The following GPC6 variants were observed in gnomAD, a reference collection of about 807,000 sequenced individuals.
GPC6 encodes glypican 6, also known as glypican-6.
Under a neutral mutation model 55.2 loss-of-function variants are expected in GPC6, and 14 were observed. That is an observed-to-expected ratio of 0.25 (90% confidence interval 0.17 to 0.40). The LOEUF (loss-of-function observed/expected upper bound fraction) is 0.40. GPC6 is among the 10% of genes least tolerant of loss of function. The probability of loss-of-function intolerance (pLI) is 1.00; values close to 1 mark genes in which losing one functional copy is unlikely to be tolerated. For missense variants in GPC6, 641 were observed against 708.5 expected, an observed-to-expected ratio of 0.90 and a Z score of 1.08; for synonymous variants, 278 against 259.6, an observed-to-expected ratio of 1.07 and a Z score of -0.68.
chr13:94,391,120 T>A (rs1271230678), intron 7 of GPC6, among the ~76,000 whole-genome samples: 1 of 152,212 alleles, frequency 6.6e-6, no homozygotes, highest in East Asian at 1.9e-4. Context: ...CAATGAGCTA[T>A]GTGTTCTCCA....
intron 4 of GPC6, among the ~76,000 whole-genome samples, chr13:94,171,244 C>A (rs1036039458): frequency 6.6e-6 from 1 of 152,194 alleles, no homozygotes; most frequent in Non-Finnish European, 1.5e-5. Flanking sequence ...GACTGAATTT[C>A]TCATCCTATA....
chr13:93,258,390 G>A (rs1215093969), intron 1 of GPC6, among the ~76,000 whole-genome samples: 2 of 152,120 alleles, frequency 1.3e-5, no homozygotes, highest in Non-Finnish European at 2.9e-5. Flanking sequence ...CAGGAATAGG[G>A]CTCTCTGTGC....
At chr13:93,543,782 A>G (rs1186006855) in intron 1 of GPC6, among the ~76,000 whole-genome samples, 1 of 152,172 alleles carries the variant, frequency 6.6e-6, no homozygotes, top group Non-Finnish European at 1.5e-5. Flanking sequence ...TCCAGTAAAC[A>G]TGGGATGCAA....
At position 93,400,716 on chromosome 13, in the gene GPC6, T is replaced by A. The variant is rs139367886; in HGVS notation, c.161-144547T>A. ...AAAATATCTCATGTACCTCGTAGTA[T>A]ACCTACTATATACCCAGAAAAATTA... is the stretch of plus-strand genomic sequence containing the variant. On this transcript the variant is annotated intron_variant, in intron 1 of 8. Coordinates refer to ENST00000377047, the MANE Select transcript of GPC6 (RefSeq NM_005708.5). Among the ~76,000 whole-genome samples the A allele has an allele frequency of 1.2e-3, 181 of 152,230 alleles. 3 individuals carry two copies. Among genetic ancestry groups the A allele is most frequent in the African/African-American group, 4.2e-3 (173 of 41,536 alleles).
chr13:93,487,379 C>T (rs757176602), intron 1 of GPC6, among the ~76,000 whole-genome samples: 8 of 152,150 alleles, frequency 5.3e-5, no homozygotes, highest in Non-Finnish European at 8.8e-5. Context: ...CATCCTCTAC[C>T]CTCAGACAGG....
At chr13:93,645,955 C>T (rs1393443291) in intron 2 of GPC6, among the ~76,000 whole-genome samples, 1 of 152,014 alleles carries the variant, frequency 6.6e-6, no homozygotes, top group African/African-American at 2.4e-5. Context: ...TACACAGTTA[C>T]CAAAGAAAAG....
intron 1 of GPC6, among the ~76,000 whole-genome samples, chr13:93,432,427 G>A (rs1877396786): frequency 6.6e-6 from 1 of 152,114 alleles, no homozygotes; most frequent in African/African-American, 2.4e-5. Flanking sequence ...GGCCATGAAG[G>A]GTGCAGATGG....
chr13:93,780,499 A>G (rs889003045), intron 2 of GPC6, among the ~76,000 whole-genome samples: 2 of 152,072 alleles, frequency 1.3e-5, no homozygotes, highest in East Asian at 3.9e-4. Flanking sequence ...CTAAACTGGT[A>G]CACAGCATTC....
intron 1 of GPC6, among the ~76,000 whole-genome samples, chr13:93,397,464 T>C (rs1875902486): frequency 6.6e-6 from 1 of 152,236 alleles, no homozygotes; most frequent in Admixed American, 6.5e-5. Flanking sequence ...TGAAGAAATA[T>C]CTGTTCATGT....
chr13:94,018,683 C>G (rs1882580208), intron 3 of GPC6, among the ~76,000 whole-genome samples: 1 of 152,274 alleles, frequency 6.6e-6, no homozygotes, highest in South Asian at 2.1e-4. Flanking sequence ...TTGTCTATAG[C>G]AGGGGTCCCC....
chr13:93,693,467 G>GTGTGTGTGTC (rs1882335437), intron 2 of GPC6, among the ~76,000 whole-genome samples: 1 of 135,456 alleles, frequency 7.4e-6, no homozygotes. Flanking sequence ...ATATCTGTGT[G>GTGTGTGTGTC]TGTGTGTGTG....
In GPC6 at chr13:93,914,913, G is replaced by A. The variant is rs186534690; in HGVS notation, c.711+84368G>A. Among the ~76,000 whole-genome samples the A allele has an allele frequency of 1.6e-3, 237 of 152,266 alleles. 4 individuals carry two copies. Among genetic ancestry groups the A allele is most frequent in the Non-Finnish European group, 1.6e-4 (11 of 68,022 alleles). On this transcript the variant is annotated intron_variant, in intron 3 of 8. Transcript: ENST00000377047. ...TTCAAGAATTTGAAATTTTCAAGAC[G>A]CTTTTTCACCACAAAGAACCTGGAT... is the stretch of plus-strand genomic sequence containing the variant.
At chr13:93,801,093 A>G (rs570046322) in intron 2 of GPC6, among the ~76,000 whole-genome samples, 1 of 152,190 alleles carries the variant, frequency 6.6e-6, no homozygotes. Context: ...AAAGTCTAAT[A>G]AAAAGCATTG....
chr13:94,251,735 A>C (rs972126422), intron 4 of GPC6, among the ~76,000 whole-genome samples: 3 of 152,078 alleles, frequency 2.0e-5, no homozygotes, highest in Middle Eastern at 6.8e-3. Flanking sequence ...CAAAAACAAA[A>C]CAAACTGTTG....
At chr13:94,130,651 C>G (rs1389810261) in intron 4 of GPC6, among the ~76,000 whole-genome samples, 1 of 152,084 alleles carries the variant, frequency 6.6e-6, no homozygotes, top group Non-Finnish European at 1.5e-5. Context: ...TCAAGTAACA[C>G]CCAGGCAGCT....
chr13:93,697,459 T>C (rs1026496413), intron 2 of GPC6, among the ~76,000 whole-genome samples: 22 of 152,170 alleles, frequency 1.4e-4, no homozygotes, highest in Non-Finnish European at 3.1e-4. Context: ...CTTAATTCTA[T>C]ATCTGTTTTA....
At chr13:93,550,705 A>G (rs1477476828) in intron 2 of GPC6, among the ~76,000 whole-genome samples, 1 of 152,132 alleles carries the variant, frequency 6.6e-6, no homozygotes, top group Admixed American at 6.6e-5. Flanking sequence ...CTCAGAGAAT[A>G]CACTTATTTG....
chr13:93,723,317 T>A (rs757757296), intron 2 of GPC6, among the ~76,000 whole-genome samples: 35 of 151,886 alleles, frequency 2.3e-4, no homozygotes, highest in Admixed American at 4.0e-4. Context: ...ATGTTTCCTA[T>A]GGGAGGCAGT....
intron 3 of GPC6, among the ~76,000 whole-genome samples, chr13:93,895,232 G>GTGTGTGTGTGTGTGTGTGTGTGTGTA (rs1477948797): frequency 4.9e-4 from 36 of 73,380 alleles, no homozygotes; most frequent in African/African-American, 2.0e-3. Context: ...ATGTGTGTGT[G>GTGTGTGTGTGTGTGTGTGTGTGTGTA]TGTATATATA....
Sources: gnomAD v4.1 joint callset for allele counts (sites outside exome capture counted in the v4.1 genomes callset) on GRCh38, gnomAD v4.1.1 for gene constraint, MANE v1.5 for transcripts, NCBI Gene and HGNC (gene_info 2026-07-23, HGNC 2026-07-21) for gene names.